The following KIRREL3 variants were observed in gnomAD, a reference collection of about 807,000 sequenced individuals.
The protein encoded by KIRREL3 is kirre like nephrin family adhesion molecule 3, also known as kin of IRRE-like protein 3.
A neutral mutation model predicts 89.7 loss-of-function variants in KIRREL3; 36 were observed. The observed-to-expected ratio is 0.40, with a 90% CI of 0.31 to 0.53. The LOEUF is 0.53. Ranked by LOEUF, KIRREL3 falls within the 20% of genes least tolerant of loss-of-function variation. The pLI is 0.49. For synonymous variants in KIRREL3, 445 were observed against 441.4 expected (o/e 1.01, Z -0.10); for missense variants, 864 against 1,056.6 (o/e 0.82, Z 2.53).
At chr11:126,726,477 C>T (rs564687240) in intron 1 of KIRREL3, among the ~76,000 whole-genome samples, 1 of 152,306 alleles carries the variant, frequency 6.6e-6, no homozygotes, top group South Asian at 2.1e-4. Context: ...AAGCGATTCT[C>T]CTGCCTCAGC....
rs1398012533 is a variant in KIRREL3 at position 126,909,689 on chromosome 11, A to G, written c.55+90766T>C. Among the ~76,000 whole-genome samples the G allele has an allele frequency of 6.6e-6, 1 of 152,198 alleles. No individual in the cohort carries two copies. Among genetic ancestry groups the G allele is most frequent in the African/African-American group, 2.4e-5 (1 of 41,452 alleles). On this transcript the variant is annotated intron_variant, in intron 1 of 16. Transcript: ENST00000525144. This position sits in a 1 kb window ranked among gnomAD's most constrained non-coding sequence, Gnocchi z 4.5. Reference sequence around the variant, plus strand: ...AAGGGAGAAATGTCCTTTGCTCTCCATAACCCTAGGGGAGGCAGGATCTTG... The same window carrying G: ...AAGGGAGAAATGTCCTTTGCTCTCCGTAACCCTAGGGGAGGCAGGATCTTG...
upstream of KIRREL3, chr11:127,000,911 A>C: frequency 2.7e-6 from 1 of 377,124 alleles, no homozygotes; most frequent in Non-Finnish European, 4.7e-6. The surrounding 1 kb of genome is among the most constrained non-coding windows in gnomAD (Gnocchi z 7.1). Context: ...GTCATAATTA[A>C]AGAGGAAACA....
intron 1 of KIRREL3, among the ~76,000 whole-genome samples, chr11:126,678,631 TGGA>T (rs1186158767): frequency 1.2e-5 from 1 of 84,266 alleles, no homozygotes; most frequent in Non-Finnish European, 2.3e-5. Flanking sequence ...AAAAAAGAAG[TGGA>T]GAAGGAATGT....
chr11:126,445,199 A>G lies in KIRREL3; in HGVS notation c.1126-94T>C. The G allele has an allele frequency of 5.4e-6, 8 of 1,483,844 alleles. No individual in the cohort carries two copies. The South Asian group carries it at 9.8e-5, about 18-fold the overall frequency. The allele number at this position is 1,483,844 out of a possible 1,614,324, so 91.9% of individuals were successfully genotyped here. ...GCAGCTGAGAGGCTGGCCTGGGGTA[A>G]CTGAGGCAGTCTCCGGCATCTCAGT... On this transcript the variant is annotated intron_variant, in intron 9 of 16. Coordinates refer to ENST00000525144, the MANE Select transcript of KIRREL3 (RefSeq NM_032531.4).
At chr11:126,786,780 T>G (rs1427127381) in intron 1 of KIRREL3, among the ~76,000 whole-genome samples, 1 of 152,184 alleles carries the variant, frequency 6.6e-6, no homozygotes, top group Non-Finnish European at 1.5e-5. Flanking sequence ...TGAGCTGGCC[T>G]GGTCTGGGCA....
Position 127,000,536 on chromosome 11 carries a change from C to G in KIRREL3, c.-27G>C, listed in dbSNP as rs1307323281. The G allele has an allele frequency of 6.3e-7, 1 of 1,591,362 alleles. No homozygotes were observed. The highest frequency in any genetic ancestry group is 1.8e-5 in the Admixed American group (1 of 56,936). The stretch of plus-strand genomic sequence containing the variant: ...CCTTAGCGCAGCGAAGGAAAGCCGG[C>G]GGGGTAACTTGGCTGTGGTTAGTTT... On this transcript the variant is annotated 5_prime_UTR_variant, in exon 1 of 17. Coordinates refer to ENST00000525144, the MANE Select transcript of KIRREL3 (RefSeq NM_032531.4). The surrounding 1 kb of genome is among the most constrained non-coding windows in gnomAD (Gnocchi z 7.1).
chr11:126,929,832 C>A (rs1947864996), intron 1 of KIRREL3, among the ~76,000 whole-genome samples: 2 of 152,218 alleles, frequency 1.3e-5, no homozygotes, highest in South Asian at 4.1e-4. Context: ...GAAAAATGCT[C>A]CTCTGCGCTC....
rs1958569489 is a variant in KIRREL3, at chr11:126,521,036, G to C, written c.433+279C>G. Among the ~76,000 whole-genome samples the C allele has an allele frequency of 6.6e-6, 1 of 152,264 alleles. No individual in the cohort carries two copies. Among genetic ancestry groups the C allele is most frequent in the Non-Finnish European group, 1.5e-5 (1 of 68,052 alleles). ...GCTTTCTGATGGAATAAATAAGCAT[G>C]TAGGAGCCCTCATTAGCTGCCTAAG... is the stretch of plus-strand genomic sequence containing the variant. On this transcript the variant is annotated intron_variant, in intron 4 of 16. Coordinates refer to ENST00000525144, the MANE Select transcript of KIRREL3 (RefSeq NM_032531.4). This position sits in a 1 kb window ranked among gnomAD's most constrained non-coding sequence, Gnocchi z 4.1.
In KIRREL3 at chr11:126,877,531, G is replaced by A. The variant is rs1219609504; in HGVS notation, c.55+122924C>T. Among the ~76,000 whole-genome samples, 1 of 152,096 alleles carries A rather than the reference G, an allele frequency of 6.6e-6. No individual in the cohort carries two copies. The highest frequency in any genetic ancestry group is 1.5e-5 in the Non-Finnish European group (1 of 68,036). On this transcript the variant is annotated intron_variant, in intron 1 of 16. Transcript: ENST00000525144. The surrounding 1 kb of genome is among the most constrained non-coding windows in gnomAD (Gnocchi z 4.9). Reference sequence around the variant, plus strand: ...CCATCCACACCTATATGGACACAAGGTCTACCTCCAAAAATGAAATTCATT... The same window carrying A: ...CCATCCACACCTATATGGACACAAGATCTACCTCCAAAAATGAAATTCATT...
intron 6 of KIRREL3, among the ~76,000 whole-genome samples, chr11:126,457,955 T>G (rs1956426308): frequency 6.6e-6 from 1 of 152,182 alleles, no homozygotes; most frequent in Admixed American, 6.5e-5. Flanking sequence ...CAGGGGCAGC[T>G]GGCTCTGGAT....
rs1385900777 is a variant in KIRREL3, at chr11:126,696,633, C to T, written c.56-133721G>A. 2.0e-5 allele frequency among the ~76,000 whole-genome samples: 3 copies of T among 152,174 alleles called. No homozygotes were observed. The highest frequency in any genetic ancestry group is 2.1e-4 in the South Asian group (1 of 4,822). On this transcript the variant is annotated intron_variant, in intron 1 of 16. Transcript: ENST00000525144. This position sits in a 1 kb window ranked among gnomAD's most constrained non-coding sequence, Gnocchi z 4.4. ...ACACCACAGCTGGAATCCACAGAGG[C>T]GCCACAGTACCGAAAGGGTGGCTCA...
At chr11:126,503,885 C>T (rs78735680) in intron 4 of KIRREL3, among the ~76,000 whole-genome samples, 336 of 152,006 alleles carry the variant, frequency 2.2e-3, no homozygotes, top group African/African-American at 7.7e-3. Context: ...CCCTCTTTCT[C>T]CCATGCTGGA....
Position 126,811,267 on chromosome 11 carries a change from G to A in KIRREL3, c.55+189188C>T, listed in dbSNP as rs1045275039. The stretch of plus-strand genomic sequence containing the variant: ...GGTGTCCCTAGTACCCTTCCCACCC[G>A]CTTTCATCCTCTTTCTTCAGAGAGA... On this transcript the variant is annotated intron_variant, in intron 1 of 16. Transcript: ENST00000525144. This position sits in a 1 kb window ranked among gnomAD's most constrained non-coding sequence, Gnocchi z 4.3. Among the ~76,000 whole-genome samples the A allele has an allele frequency of 5.3e-5, 8 of 152,226 alleles. No individual in the cohort carries two copies. The highest frequency in any genetic ancestry group is 1.9e-4 in the East Asian group (1 of 5,184).
At position 126,610,520 on chromosome 11, in the gene KIRREL3, T is replaced by A. The variant is rs1159661109; in HGVS notation, c.56-47608A>T. 3.3e-5 allele frequency: 5 copies of A among 152,236 alleles called. No individual in the cohort carries two copies. The highest frequency in any genetic ancestry group is 5.9e-5 in the Non-Finnish European group (4 of 68,062). The allele number at this position is 152,236 out of a possible 1,614,324, so 9.4% of individuals were successfully genotyped here. A position where few individuals can be genotyped will look rare whatever the true frequency, so the allele number is the denominator to read the frequency against. On this transcript the variant is annotated intron_variant, in intron 1 of 16. Transcript: ENST00000525144. The surrounding 1 kb of genome is among the most constrained non-coding windows in gnomAD (Gnocchi z 4.6). ...GGCCCAGCCTGCAACCTCATGGGAA[T>A]GTGGGATAATGAGAGAGAATGTTTG...
intron 1 of KIRREL3, among the ~76,000 whole-genome samples, chr11:126,792,228 G>A (rs1380686988): frequency 6.6e-6 from 1 of 152,190 alleles, no homozygotes; most frequent in African/African-American, 2.4e-5. Flanking sequence ...TTTCCAATCT[G>A]TAGAATGGAC....
chr11:126,791,344 C>T lies in KIRREL3; in HGVS notation c.55+209111G>A, dbSNP rs573008221. On this transcript the variant is annotated intron_variant, in intron 1 of 16. Transcript: ENST00000525144. The surrounding 1 kb of genome is among the most constrained non-coding windows in gnomAD (Gnocchi z 4.8). ...ATCATAATAGGACATTCCAATTCAT[C>T]GTCCCTGGCCTGGGCTGCATGCAGC... Among the ~76,000 whole-genome samples, 3 of 152,184 alleles carry T rather than the reference C, an allele frequency of 2.0e-5. No individual in the cohort carries two copies. Among genetic ancestry groups the T allele is most frequent in the Non-Finnish European group, 4.4e-5 (3 of 68,026 alleles).
intron 16 of KIRREL3, among the ~76,000 whole-genome samples, chr11:126,425,335 G>A (rs1591511977): frequency 6.6e-6 from 1 of 152,346 alleles, no homozygotes; most frequent in Non-Finnish European, 1.5e-5. Context: ...GCAATGCAGG[G>A]TCATTTGAAA....
chr11:126,789,286 G>A (rs1424910526), intron 1 of KIRREL3, among the ~76,000 whole-genome samples: 3 of 151,932 alleles, frequency 2.0e-5, no homozygotes, highest in Non-Finnish European at 4.4e-5. Flanking sequence ...CATCTCCTTC[G>A]CCTTCTCAAG....
At chr11:126,425,838 C>T (rs1366133922) in intron 15 of KIRREL3, 114 bp from the exon 16 acceptor site, 4 of 760,506 alleles carry the variant, frequency 5.3e-6, no homozygotes, top group African/African-American at 5.2e-5. Context: ...CCCCACCACC[C>T]CTCACTGCCT....
Sources: gnomAD v4.1 joint callset for allele counts (sites outside exome capture counted in the v4.1 genomes callset) on GRCh38, gnomAD v4.1.1 for gene constraint, Gnocchi (gnomAD v3.1) non-coding constraint, MANE v1.5 for transcripts, NCBI Gene and HGNC (gene_info 2026-07-23, HGNC 2026-07-21) for gene names.